SKA2: variants seen among roughly 807,000 people sequenced by gnomAD.
SKA2 encodes the protein spindle and kinetochore-associated protein 2.
In SKA2, 13 loss-of-function variants were observed where a neutral mutation model predicts 16.9. The observed-to-expected ratio is 0.77, with a 90% CI of 0.50 to 1.22. The LOEUF is 1.22. Ranked by LOEUF, SKA2 falls within the 50% of genes most tolerant of loss-of-function variation. SKA2 has a pLI of 0.00. For synonymous variants in SKA2, 47 were observed against 48.5 expected, an observed-to-expected ratio of 0.97 and a Z score of 0.13; for missense variants, 107 against 139.7, an observed-to-expected ratio of 0.77 and a Z score of 1.18.
Position 59,130,922 on chromosome 17 carries a change from T to A in SKA2, c.120+359A>T, listed in dbSNP as rs1201920485. ...ATCTAATAGTGTATCATTACCTTCC[T>A]CAGAGAATATGCTGACTGCCAGGAC... On this transcript the variant is annotated intron_variant, in intron 2 of 3. Coordinates refer to ENST00000330137, the MANE Select transcript of SKA2 (RefSeq NM_182620.4). Among the ~76,000 whole-genome samples, 3 of 152,196 alleles carry A rather than the reference T, an allele frequency of 2.0e-5. No homozygotes were observed. The East Asian group carries it at 5.8e-4, about 29-fold the overall frequency.
Position 59,111,494 on chromosome 17 carries a change from C to G in SKA2, c.*783G>C, listed in dbSNP as rs997563364. 2 of 152,148 alleles carry G rather than the reference C, an allele frequency of 1.3e-5. No homozygotes were observed. The highest frequency in any genetic ancestry group is 4.8e-5 in the African/African-American group (2 of 41,424). The allele number at this position is 152,148 out of a possible 1,614,324, so 9.4% of individuals were successfully genotyped here. On this transcript the variant is annotated 3_prime_UTR_variant, in exon 4 of 4. Coordinates refer to ENST00000330137, the MANE Select transcript of SKA2 (RefSeq NM_182620.4). ...TATTTTAAAGGGAAATTGACACATA[C>G]ATATAACACACTCACGCAAAACTGG...
intron 2 of SKA2, among the ~76,000 whole-genome samples, chr17:59,121,832 C>T (rs1441993754): frequency 2.1e-5 from 3 of 141,954 alleles, no homozygotes; most frequent in Non-Finnish European, 3.0e-5. Flanking sequence ...ATTAGCCAGG[C>T]GTGTCGGCAT....
intron 1 of SKA2, among the ~76,000 whole-genome samples, chr17:59,138,713 T>G (rs552026484): frequency 2.0e-5 from 3 of 152,220 alleles, no homozygotes; most frequent in African/African-American, 7.2e-5. Flanking sequence ...ATTACAGGCA[T>G]GAGCCACCGC....
At position 59,111,038 on chromosome 17, in the gene SKA2, C is replaced by A. The variant is rs1243671570; in HGVS notation, c.*1239G>T. On this transcript the variant is annotated 3_prime_UTR_variant, in exon 4 of 4. Coordinates refer to ENST00000330137, the MANE Select transcript of SKA2 (RefSeq NM_182620.4). ...TTTTTATTACATGTATGTAATATCA[C>A]TTATTGAAGGCTTACTAAATACTGA... The A allele has an allele frequency of 6.6e-6, 1 of 152,124 alleles. No individual in the cohort carries two copies. Among genetic ancestry groups the A allele is most frequent in the Non-Finnish European group, 1.5e-5 (1 of 68,030 alleles). The allele number at this position is 152,124 out of a possible 1,614,324, so 9.4% of individuals were successfully genotyped here. A position where few individuals can be genotyped will look rare whatever the true frequency, so the allele number is the denominator to read the frequency against.
intron 1 of SKA2, among the ~76,000 whole-genome samples, chr17:59,144,079 C>T (rs1166265075): frequency 6.6e-6 from 1 of 151,886 alleles, no homozygotes; most frequent in Non-Finnish European, 1.5e-5. Context: ...TCGCTTGAAC[C>T]CCAGAGGCCG....
intron 3 of SKA2, among the ~76,000 whole-genome samples, chr17:59,116,800 C>T (rs1425689273): frequency 7.5e-6 from 1 of 133,302 alleles, no homozygotes; most frequent in Admixed American, 7.5e-5. Flanking sequence ...TTAGCTCTAT[C>T]TGCCTTTGGC....
In SKA2 at chr17:59,110,344, T is replaced by C. The variant is rs2046255449; in HGVS notation, c.*1933A>G. 2 of 152,168 alleles carry C rather than the reference T, an allele frequency of 1.3e-5. No homozygotes were observed. The highest frequency in any genetic ancestry group is 3.2e-3 in the Middle Eastern group (1 of 316). 9.4% of individuals were successfully genotyped at this position (152,168 alleles called of 1,614,324 possible). On this transcript the variant is annotated 3_prime_UTR_variant, in exon 4 of 4. Transcript: ENST00000330137. ...AACCACTTTTAATACTAAGAATTTA[T>C]TATGATCTCTCCATGATACTACCGT...
At chr17:59,154,999 C>T in intron 1 of SKA2, 132 bp downstream of exon 1, 2 of 1,613,978 alleles carry the variant, frequency 1.2e-6, no homozygotes, top group Non-Finnish European at 1.7e-6. Context: ...CCCTTTGGTG[C>T]AGGAGGAGGG....
chr17:59,126,414 G>A (rs1008886834), intron 2 of SKA2, among the ~76,000 whole-genome samples: 13 of 152,052 alleles, frequency 8.5e-5, no homozygotes, highest in African/African-American at 2.9e-4. Context: ...GTGGGTGTGA[G>A]TATACAAACA....
rs2046324980 is a variant in SKA2 at position 59,120,433 on chromosome 17, T to TA, written c.121-939dup. On this transcript the variant is annotated intron_variant, in intron 2 of 3. Coordinates refer to ENST00000330137, the MANE Select transcript of SKA2 (RefSeq NM_182620.4). Reference sequence around the variant, plus strand: ...TTCTTTAATTTTTTTTTTAAATAGATACAGGAATCTCACTGTGTTGCCCAG... The same window carrying TA: ...TTCTTTAATTTTTTTTTTAAATAGATAACAGGAATCTCACTGTGTTGCCCAG... 3.3e-5 allele frequency among the ~76,000 whole-genome samples: 5 copies of TA among 151,474 alleles called. No individual in the cohort carries two copies. In the South Asian group the frequency reaches 1.0e-3, roughly 32 times the overall value.
chr17:59,117,288 CAATAT>C (rs1478025197), intron 3 of SKA2, among the ~76,000 whole-genome samples: 1 of 152,134 alleles, frequency 6.6e-6, no homozygotes, highest in East Asian at 1.9e-4. Context: ...AAAAATTTAT[CAATAT>C]AATGGTTTGT....
At chr17:59,126,139 C>G (rs2046370953) in intron 2 of SKA2, among the ~76,000 whole-genome samples, 1 of 151,870 alleles carries the variant, frequency 6.6e-6, no homozygotes, top group Non-Finnish European at 1.5e-5. Context: ...CCACTGCACT[C>G]CAGCCTGGGC....
At chr17:59,137,728 T>C in intron 1 of SKA2, 1 of 518,238 alleles carries the variant, frequency 1.9e-6, no homozygotes, top group Non-Finnish European at 3.9e-6. Flanking sequence ...AAGATGACTT[T>C]TGCTTGTTTC....
At chr17:59,127,545 C>A (rs927532701) in intron 2 of SKA2, among the ~76,000 whole-genome samples, 1 of 152,078 alleles carries the variant, frequency 6.6e-6, no homozygotes, top group African/African-American at 2.4e-5. Context: ...CGTGCCACCA[C>A]GCCCGGCTAA....
chr17:59,146,601 A>C (rs1171145692), intron 1 of SKA2, among the ~76,000 whole-genome samples: 1 of 152,252 alleles, frequency 6.6e-6, no homozygotes, highest in Non-Finnish European at 1.5e-5. Context: ...ATAAATTAGA[A>C]GTACGAGCTT....
chr17:59,145,593 T>G (rs1200714544), intron 1 of SKA2, among the ~76,000 whole-genome samples: 1 of 152,150 alleles, frequency 6.6e-6, no homozygotes, highest in Non-Finnish European at 1.5e-5. Context: ...GTATTTAATT[T>G]ATATGTGTAC....
chr17:59,150,262 G>C (rs779800879), intron 1 of SKA2, among the ~76,000 whole-genome samples: 2 of 152,072 alleles, frequency 1.3e-5, no homozygotes, highest in African/African-American at 4.8e-5. Context: ...GCAAGACTTC[G>C]GCTTTGCTTA....
intron 1 of SKA2, chr17:59,138,017 G>A (rs918508668): frequency 4.3e-6 from 1 of 235,058 alleles, no homozygotes; most frequent in Admixed American, 6.1e-5. Flanking sequence ...GGAAGCCTTG[G>A]AAATCAGTGA....
chr17:59,137,634 C>A (rs1277441927), intron 1 of SKA2: 4 of 375,686 alleles, frequency 1.1e-5, no homozygotes, highest in African/African-American at 6.7e-5. Context: ...AGAAAAGTTA[C>A]CTTCTTCTAA....
Sources: gnomAD v4.1 joint callset for allele counts (sites outside exome capture counted in the v4.1 genomes callset) on GRCh38, gnomAD v4.1.1 for gene constraint, MANE v1.5 for transcripts, NCBI Gene and HGNC (gene_info 2026-07-23, HGNC 2026-07-21) for gene names.